KIF16B: variants seen among roughly 807,000 people sequenced by gnomAD.
KIF16B encodes kinesin family member 16B.
Under a neutral mutation model 156.3 loss-of-function variants are expected in KIF16B, and 98 were observed. The ratio of observed to expected loss-of-function variants is 0.63; its 90% CI spans 0.53 to 0.74. KIF16B has a LOEUF of 0.74. KIF16B is among the 30% of genes least tolerant of loss of function. The probability of loss-of-function intolerance (pLI) is 0.00; values close to 1 mark genes in which losing one functional copy is unlikely to be tolerated. For synonymous variants in KIF16B, 564 were observed against 583.7 expected (o/e 0.97, Z 0.49); for missense variants, 1,421 against 1,606.5 (o/e 0.88, Z 1.97).
chr20:16,422,154 A>G (rs2066241840), intron 15 of KIF16B, among the ~76,000 whole-genome samples: 1 of 152,140 alleles, frequency 6.6e-6, no homozygotes, highest in Admixed American at 6.5e-5. Context: ...AATTCACAAG[A>G]CAATTAGAGA....
At chr20:16,512,138 C>T (rs1020000907) in intron 5 of KIF16B, among the ~76,000 whole-genome samples, 5 of 151,616 alleles carry the variant, frequency 3.3e-5, no homozygotes, top group Admixed American at 6.6e-5. Context: ...CAGAGTAAGA[C>T]TCCATCTCCA....
intron 1 of KIF16B, among the ~76,000 whole-genome samples, chr20:16,538,429 T>C (rs767740567): frequency 1.6e-4 from 25 of 152,226 alleles, no homozygotes; most frequent in Non-Finnish European, 2.6e-4. Context: ...AAAAATGAAC[T>C]ATGCCTCTCC....
intron 15 of KIF16B, among the ~76,000 whole-genome samples, chr20:16,425,775 A>G (rs781299258): frequency 3.0e-4 from 46 of 152,272 alleles, no homozygotes; most frequent in Admixed American, 6.5e-4. Context: ...CCAAAAATGC[A>G]TATTAGTCTA....
At chr20:16,464,167 T>C (rs2067424011) in intron 12 of KIF16B, among the ~76,000 whole-genome samples, 1 of 152,178 alleles carries the variant, frequency 6.6e-6, no homozygotes, top group Non-Finnish European at 1.5e-5. Flanking sequence ...CTAATAATTA[T>C]AATGATAACC....
At chr20:16,332,539 C>A (rs2063965943) in intron 24 of KIF16B, among the ~76,000 whole-genome samples, 1 of 152,176 alleles carries the variant, frequency 6.6e-6, no homozygotes, top group Non-Finnish European at 1.5e-5. Context: ...TTATATATAA[C>A]ATTCTTTTGT....
chr20:16,519,005 A>C (rs1470036767), intron 3 of KIF16B, among the ~76,000 whole-genome samples: 1 of 152,176 alleles, frequency 6.6e-6, no homozygotes, highest in African/African-American at 2.4e-5. Flanking sequence ...CCATGGTCCA[A>C]TTCTGCTACT....
intron 12 of KIF16B, among the ~76,000 whole-genome samples, chr20:16,451,006 G>A (rs1323896549): frequency 2.6e-5 from 4 of 152,154 alleles, no homozygotes; most frequent in East Asian, 1.9e-4. Flanking sequence ...TCATACCTGC[G>A]CGTTTACAGA....
intron 1 of KIF16B, among the ~76,000 whole-genome samples, chr20:16,552,058 C>T (rs965799189): frequency 1.3e-5 from 2 of 152,198 alleles, no homozygotes; most frequent in African/African-American, 2.4e-5. Flanking sequence ...GTTTTACTCA[C>T]GTCCTCAACT....
intron 25 of KIF16B, among the ~76,000 whole-genome samples, chr20:16,311,286 C>G (rs550011516): frequency 6.6e-6 from 1 of 152,042 alleles, no homozygotes; most frequent in Admixed American, 6.6e-5. Context: ...GTCAAGAGCT[C>G]GAGACCAGCT....
intron 17 of KIF16B, chr20:16,382,178 C>G: frequency 8.3e-7 from 1 of 1,206,072 alleles, no homozygotes; most frequent in Non-Finnish European, 1.1e-6. Context: ...AGAGCACAGA[C>G]ATCAATTAAG....
At chr20:16,452,205 C>A (rs553870469) in intron 12 of KIF16B, among the ~76,000 whole-genome samples, 272 of 152,162 alleles carry the variant, frequency 1.8e-3, no homozygotes, top group Non-Finnish European at 2.7e-3. Context: ...CAGACAGAAA[C>A]GTCATGGAAA....
intron 1 of KIF16B, among the ~76,000 whole-genome samples, chr20:16,535,147 C>T (rs2069909327): frequency 6.6e-6 from 1 of 151,986 alleles, no homozygotes; most frequent in Non-Finnish European, 1.5e-5. Context: ...GTCTTTCCAC[C>T]TGTTTGTGTC....
chr20:16,413,225 A>T (rs2066002579), intron 15 of KIF16B, among the ~76,000 whole-genome samples: 1 of 152,132 alleles, frequency 6.6e-6, no homozygotes, highest in Admixed American at 6.6e-5. Context: ...AGTTTGCTAA[A>T]TACCCAAAGA....
chr20:16,360,947 G>A (rs1241527140), intron 22 of KIF16B, among the ~76,000 whole-genome samples: 1 of 152,154 alleles, frequency 6.6e-6, no homozygotes, highest in Non-Finnish European at 1.5e-5. Flanking sequence ...GGTCCTCAGG[G>A]AGTCATTAAC....
intron 1 of KIF16B, among the ~76,000 whole-genome samples, chr20:16,568,752 A>C (rs2071350278): frequency 1.5e-5 from 2 of 130,180 alleles, no homozygotes; most frequent in South Asian, 5.3e-4. Context: ...CAGGAGGTTG[A>C]GGCTTCAGTG....
chr20:16,337,304 G>A (rs1355702429), intron 23 of KIF16B, among the ~76,000 whole-genome samples: 3 of 152,140 alleles, frequency 2.0e-5, no homozygotes, highest in Admixed American at 1.3e-4. Flanking sequence ...GTAGAAAGTA[G>A]AAACAAGAAA....
chr20:16,544,331 C>T (rs1411215314), intron 1 of KIF16B, among the ~76,000 whole-genome samples: 2 of 152,092 alleles, frequency 1.3e-5, no homozygotes, highest in African/African-American at 2.4e-5. Context: ...CTTCCTCAGC[C>T]GGGCACTGTG....
At chr20:16,508,214 G>T in intron 6 of KIF16B, 114 bp from the exon 7 acceptor site, 1 of 1,197,016 alleles carries the variant, frequency 8.4e-7, no homozygotes, top group Non-Finnish European at 1.2e-6. Flanking sequence ...CCTGTCTGAA[G>T]ACCTCACTTG....
rs371894436 is a variant in KIF16B at position 16,461,955 on chromosome 20, T to A, written c.1303-31973A>T. Among the ~76,000 whole-genome samples the A allele has an allele frequency of 3.9e-5, 6 of 152,222 alleles. No homozygotes were observed. The East Asian group carries it at 7.7e-4, about 20-fold the overall frequency. ...CATGGCTAGTTTTAAGGGTATAAATTTCCAGATCTACAGCCGGGCATGGTA... is the reference window on the plus strand; with the variant it reads ...CATGGCTAGTTTTAAGGGTATAAATATCCAGATCTACAGCCGGGCATGGTA... On this transcript the variant is annotated intron_variant, in intron 12 of 25. Coordinates refer to ENST00000354981, the MANE Select transcript of KIF16B (RefSeq NM_024704.5).
Sources: gnomAD v4.1 joint callset for allele counts (sites outside exome capture counted in the v4.1 genomes callset) on GRCh38, gnomAD v4.1.1 for gene constraint, MANE v1.5 for transcripts, NCBI Gene and HGNC (gene_info 2026-07-23, HGNC 2026-07-21) for gene names.